Variants in TYW1B observed in about 807,000 individuals in gnomAD.
TYW1B encodes the protein S-adenosyl-L-methionine-dependent tRNA 4-demethylwyosine synthase TYW1B.
Under a neutral mutation model 86.9 loss-of-function variants are expected in TYW1B, and 73 were observed. The ratio of observed to expected loss-of-function variants is 0.84; its 90% confidence interval spans 0.70 to 1.02. The LOEUF (loss-of-function observed/expected upper bound fraction) is 1.02. Ranked by LOEUF, TYW1B falls within the 50% of genes least tolerant of loss-of-function variation. The pLI is 0.00. For missense variants in TYW1B, 637 were observed against 827.4 expected, an observed-to-expected ratio of 0.77 and a Z score of 2.82; for synonymous variants, 248 against 292.8, an observed-to-expected ratio of 0.85 and a Z score of 1.56.
chr7:72,751,730 A>G (rs1157109708), intron 7 of TYW1B, among the ~76,000 whole-genome samples: 1 of 152,172 alleles, frequency 6.6e-6, no homozygotes, highest in Non-Finnish European at 1.5e-5. Context: ...CATTCTGTCT[A>G]TTATGTTGGA....
chr7:72,758,244 A>G (rs1012109160), intron 7 of TYW1B, among the ~76,000 whole-genome samples: 3 of 152,106 alleles, frequency 2.0e-5, no homozygotes, highest in Non-Finnish European at 4.4e-5. Flanking sequence ...AGCTGGGTGT[A>G]GTAGGTACAA....
rs1210126144 is a variant in TYW1B at position 72,712,463 on chromosome 7, G to C, written c.1370+1158C>G. ...CCTGCCTCAGCCTCCCGAGTAGCTG[G>C]GATTACAGGCATGCACCATCATGCC... On this transcript the variant is annotated intron_variant, in intron 10 of 13. Transcript: ENST00000620995. 5.9e-5 allele frequency among the ~76,000 whole-genome samples: 9 copies of C among 152,178 alleles called. 1 individual carries two copies. Among genetic ancestry groups the C allele is most frequent in the Admixed American group, 3.3e-4 (5 of 15,274 alleles).
intron 9 of TYW1B, among the ~76,000 whole-genome samples, chr7:72,714,492 A>G (rs1585923848): frequency 6.6e-6 from 1 of 151,490 alleles, no homozygotes; most frequent in African/African-American, 2.4e-5. Context: ...GCATGGTGGC[A>G]CATGTCTGTG....
At chr7:72,779,535 G>A (rs1788013970) in intron 6 of TYW1B, among the ~76,000 whole-genome samples, 1 of 151,900 alleles carries the variant, frequency 6.6e-6, no homozygotes, top group East Asian at 1.9e-4. Context: ...TGGCTAACAT[G>A]GTGAAACCCT....
intron 8 of TYW1B, among the ~76,000 whole-genome samples, chr7:72,738,523 G>A (rs1388795219): frequency 6.6e-6 from 1 of 152,076 alleles, no homozygotes; most frequent in Non-Finnish European, 1.5e-5. Flanking sequence ...GCGGAGCACT[G>A]TCCTATGCAT....
At chr7:72,667,220 T>C (rs1320306046) in intron 11 of TYW1B, among the ~76,000 whole-genome samples, 10 of 152,056 alleles carry the variant, frequency 6.6e-5, no homozygotes, top group South Asian at 2.1e-4. Flanking sequence ...AGCAAATTAG[T>C]AGGCCTTTCA....
intron 8 of TYW1B, among the ~76,000 whole-genome samples, chr7:72,731,082 C>T (rs1554459809): frequency 6.9e-6 from 1 of 145,690 alleles, no homozygotes; most frequent in East Asian, 2.0e-4. Context: ...CAGCAGAAAC[C>T]TCACAGGCCA....
In TYW1B at chr7:72,616,699, A is replaced by G. The variant is rs1563031643; in HGVS notation, c.1758T>C (p.Ser586=). ...EYEIACEHEH[S]NCLLIAHRKF... is the part of the protein sequence containing the mutation. ...TTCTGTGTGCTATCAGGAGGCAATT[A>G]GAGTGTTCGTGTTCACATGCAATTT... The change falls in exon 13 of 14, where the codon TCT becomes TCC. Residue 586 remains serine, a synonymous_variant. Transcript: ENST00000620995. 1.2e-6 allele frequency: 2 copies of G among 1,614,194 alleles called. No homozygotes were observed. Among genetic ancestry groups the G allele is most frequent in the East Asian group, 2.2e-5 (1 of 44,884 alleles).
At chr7:72,657,426 T>C (rs1813230745) in intron 11 of TYW1B, among the ~76,000 whole-genome samples, 3 of 152,248 alleles carry the variant, frequency 2.0e-5, no homozygotes, top group African/African-American at 7.2e-5. Flanking sequence ...AAAAAACCTA[T>C]TTAATAAAAT....
chr7:72,628,869 G>C lies in TYW1B; in HGVS notation c.1617+18C>G. On this transcript the variant is annotated intron_variant, in intron 12 of 13. Coordinates refer to ENST00000620995, the MANE Select transcript of TYW1B (RefSeq NM_001145440.3). ...CTTTGTCACTCCACCACGGCCACCA[G>C]AGTCAGCAGGGGCTTACCTTCACTT... 1.9e-6 allele frequency: 3 copies of C among 1,571,264 alleles called. No homozygotes were observed. Among genetic ancestry groups the C allele is most frequent in the Non-Finnish European group, 2.6e-6 (3 of 1,159,162 alleles).
At chr7:72,627,875 T>C (rs1812386710) in intron 12 of TYW1B, among the ~76,000 whole-genome samples, 1 of 152,154 alleles carries the variant, frequency 6.6e-6, no homozygotes, top group Non-Finnish European at 1.5e-5. Flanking sequence ...CCAAGATGCA[T>C]GATCCATTTT....
chr7:72,809,041 ATT>A (rs35685950), intron 4 of TYW1B, among the ~76,000 whole-genome samples: 70,500 of 116,778 alleles, frequency 0.6, 19,388 homozygotes, highest in Middle Eastern at 0.68. Flanking sequence ...AAAATTCATG[ATT>A]TTTTTTTTTT....
chr7:72,669,796 A>T (rs1813551441), intron 11 of TYW1B, among the ~76,000 whole-genome samples: 2 of 151,262 alleles, frequency 1.3e-5, no homozygotes, highest in Non-Finnish European at 2.9e-5. Context: ...TAAATAAATA[A>T]CAATAATAAC....
intron 13 of TYW1B, among the ~76,000 whole-genome samples, chr7:72,593,373 A>G (rs1314694786): frequency 2.6e-5 from 4 of 152,120 alleles, no homozygotes; most frequent in Non-Finnish European, 5.9e-5. Context: ...CACACAGAAC[A>G]CTGTACCTAA....
intron 10 of TYW1B, among the ~76,000 whole-genome samples, chr7:72,703,353 C>G (rs1189679294): frequency 6.6e-6 from 1 of 151,876 alleles, no homozygotes; most frequent in African/African-American, 2.4e-5. Flanking sequence ...TCCACTGTAA[C>G]TTCTTTTTGA....
intron 11 of TYW1B, among the ~76,000 whole-genome samples, chr7:72,681,591 C>CTT (rs71069098): frequency 0.026 from 2,849 of 110,986 alleles, 90 homozygotes; most frequent in South Asian, 0.044. Flanking sequence ...ATATTTACTT[C>CTT]TTTTTTTTTT....
chr7:72,593,820 T>TA lies in TYW1B; in HGVS notation c.1786-18102dup, dbSNP rs59821679. Among the ~76,000 whole-genome samples the TA allele has an allele frequency of 8.8e-3, 386 of 43,682 alleles. 12 individuals are homozygous for TA. Among genetic ancestry groups the TA allele is most frequent in the Non-Finnish European group, 0.01 (259 of 24,870 alleles). 28.7% of individuals were successfully genotyped at this position (43,682 alleles called of 152,430 possible). On this transcript the variant is annotated intron_variant, in intron 13 of 13. Coordinates refer to ENST00000620995, the MANE Select transcript of TYW1B (RefSeq NM_001145440.3). ...CTGGGTGACAGAGCCAGACTCCATC[T>TA]AAAAAAAAAAAAAAAAAAAAAAAAA... is the stretch of plus-strand genomic sequence containing the variant.
chr7:72,767,237 CCT>C (rs1165862965), intron 7 of TYW1B, among the ~76,000 whole-genome samples: 10 of 152,278 alleles, frequency 6.6e-5, no homozygotes, highest in African/African-American at 1.9e-4. Flanking sequence ...TGCCGTCACC[CCT>C]GTTATTGATC....
intron 11 of TYW1B, among the ~76,000 whole-genome samples, chr7:72,653,162 A>G (rs112922393): frequency 0.013 from 1,937 of 152,186 alleles, 44 homozygotes; most frequent in African/African-American, 0.042. Flanking sequence ...TATAAAAGTC[A>G]GAGCAGAAAT....
Sources: allele counts gnomAD v4.1 joint callset (sites outside exome capture counted in the v4.1 genomes callset), GRCh38; gene constraint gnomAD v4.1.1; transcripts MANE v1.5; gene names NCBI Gene and HGNC (gene_info 2026-07-23, HGNC 2026-07-21).